TSPAN9: variants seen among roughly 807,000 people sequenced by gnomAD.
TSPAN9 encodes tetraspanin 9.
A neutral mutation model predicts 31.0 loss-of-function variants in TSPAN9; 16 were observed. The observed-to-expected ratio is 0.52, with a 90% CI of 0.35 to 0.78. TSPAN9 has a LOEUF of 0.78. Ranked by LOEUF, TSPAN9 falls within the 30% of genes least tolerant of loss-of-function variation. TSPAN9 has a pLI of 0.01. For synonymous variants in TSPAN9, 145 were observed against 121.6 expected, an observed-to-expected ratio of 1.19 and a Z score of -1.27; for missense variants, 272 against 312.5, an observed-to-expected ratio of 0.87 and a Z score of 0.98.
In TSPAN9 at chr12:3,147,127, A is replaced by G. The variant is rs908061830; in HGVS notation, c.-17-54050A>G. On this transcript the variant is annotated intron_variant, in intron 2 of 8. Transcript: ENST00000011898. This position sits in a 1 kb window ranked among gnomAD's most constrained non-coding sequence, Gnocchi z 4.3. ...TCTCCTTACTTCCTTTCTGCAGGGTATGTAGTGAGATATTTTTGAGTTTAG... is the reference window on the plus strand; with the variant it reads ...TCTCCTTACTTCCTTTCTGCAGGGTGTGTAGTGAGATATTTTTGAGTTTAG... 6.6e-6 allele frequency among the ~76,000 whole-genome samples: 1 copy of G among 151,984 alleles called. No homozygotes were observed. Among genetic ancestry groups the G allele is most frequent in the African/African-American group, 2.4e-5 (1 of 41,368 alleles).
At chr12:3,237,193 A>G (rs569513952) in intron 3 of TSPAN9, among the ~76,000 whole-genome samples, 1 of 152,098 alleles carries the variant, frequency 6.6e-6, no homozygotes, top group South Asian at 2.1e-4. Context: ...GGGTCATTGT[A>G]TTATCCTGAT....
rs1359969500 is a variant in TSPAN9 at position 3,147,644 on chromosome 12, G to C, written c.-17-53533G>C. On this transcript the variant is annotated intron_variant, in intron 2 of 8. Coordinates refer to ENST00000011898, the MANE Select transcript of TSPAN9 (RefSeq NM_006675.5). This position sits in a 1 kb window ranked among gnomAD's most constrained non-coding sequence, Gnocchi z 4.3. ...CAGTAGCCACCGGCTACATGTGGCCGTTGAGCATTGAAAATGGGACTGAAA... is the reference window on the plus strand; with the variant it reads ...CAGTAGCCACCGGCTACATGTGGCCCTTGAGCATTGAAAATGGGACTGAAA... Among the ~76,000 whole-genome samples, 1 of 152,218 alleles carries C rather than the reference G, an allele frequency of 6.6e-6. No individual in the cohort carries two copies. The highest frequency in any genetic ancestry group is 1.5e-5 in the Non-Finnish European group (1 of 68,036).
Position 3,192,228 on chromosome 12 carries a change from A to C in TSPAN9, c.-17-8949A>C, listed in dbSNP as rs1591668884. ...TAGGAAACACACAGGCACACACACA[A>C]TTGTAATCCAAGTAAGATGGGAAGC... On this transcript the variant is annotated intron_variant, in intron 2 of 8. Coordinates refer to ENST00000011898, the MANE Select transcript of TSPAN9 (RefSeq NM_006675.5). This position sits in a 1 kb window ranked among gnomAD's most constrained non-coding sequence, Gnocchi z 4.6. Among the ~76,000 whole-genome samples the C allele has an allele frequency of 6.6e-6, 1 of 152,318 alleles. No individual in the cohort carries two copies. The highest frequency in any genetic ancestry group is 6.5e-5 in the Admixed American group (1 of 15,312).
intron 2 of TSPAN9, among the ~76,000 whole-genome samples, chr12:3,166,313 C>T (rs568131112): frequency 4.6e-5 from 7 of 152,250 alleles, no homozygotes; most frequent in African/African-American, 1.7e-4. Flanking sequence ...TTTAAACAAA[C>T]GTTCCATATT....
At chr12:3,113,520 A>T (rs192762442) in intron 2 of TSPAN9, among the ~76,000 whole-genome samples, 11 of 152,326 alleles carry the variant, frequency 7.2e-5, no homozygotes, top group African/African-American at 2.4e-4. Context: ...TTGGGTAAAT[A>T]AAGTGATGTG....
At chr12:3,281,871 G>C (rs984716335) in intron 8 of TSPAN9, 54 bp downstream of exon 8, 1 of 1,583,992 alleles carries the variant, frequency 6.3e-7, no homozygotes, top group African/African-American at 1.3e-5. Flanking sequence ...CAGCCTCAGA[G>C]GGAAGGAAGC....
chr12:3,088,047 T>C (rs1037720864), intron 2 of TSPAN9, among the ~76,000 whole-genome samples: 3 of 152,178 alleles, frequency 2.0e-5, no homozygotes, highest in Non-Finnish European at 2.9e-5. Flanking sequence ...AGGGCCAGGC[T>C]CTACAGGAGG....
chr12:3,184,137 C>G (rs554656357), intron 2 of TSPAN9, among the ~76,000 whole-genome samples: 2 of 152,236 alleles, frequency 1.3e-5, no homozygotes, highest in East Asian at 3.9e-4. Flanking sequence ...CACCTGTAAT[C>G]CCAGCACTTT....
intron 3 of TSPAN9, among the ~76,000 whole-genome samples, chr12:3,246,311 G>T (rs996811559): frequency 3.9e-5 from 6 of 152,068 alleles, no homozygotes; most frequent in Admixed American, 2.6e-4. Context: ...CAGCATTGGG[G>T]GTTACAATTC....
At chr12:3,120,525 G>A (rs531490722) in intron 2 of TSPAN9, among the ~76,000 whole-genome samples, 24 of 152,310 alleles carry the variant, frequency 1.6e-4, no homozygotes, top group South Asian at 6.2e-4. Flanking sequence ...CCAAATACAC[G>A]TCATGTCCCT....
At chr12:3,105,770 ACGCACACACGCT>A (rs1565577319) in intron 2 of TSPAN9, among the ~76,000 whole-genome samples, 1 of 31,804 alleles carries the variant, frequency 3.1e-5, no homozygotes. Flanking sequence ...ACACACGCGC[ACGCACACACGCT>A]CATACACACT....
intron 2 of TSPAN9, among the ~76,000 whole-genome samples, chr12:3,196,866 G>A (rs1446631333): frequency 6.6e-6 from 1 of 152,222 alleles, no homozygotes; most frequent in Non-Finnish European, 1.5e-5. Context: ...AATCAGAAAT[G>A]AAGATGGAAA....
intron 2 of TSPAN9, among the ~76,000 whole-genome samples, chr12:3,158,721 CAAAAAAAAAA>C (rs765787475): frequency 6.0e-4 from 35 of 57,898 alleles, no homozygotes; most frequent in Admixed American, 2.4e-3. Flanking sequence ...GACTCTGTCT[CAAAAAAAAAA>C]AAAAAAAAAA....
chr12:3,238,543 A>G (rs1324849616), intron 3 of TSPAN9, among the ~76,000 whole-genome samples: 1 of 152,246 alleles, frequency 6.6e-6, no homozygotes, highest in Non-Finnish European at 1.5e-5. Flanking sequence ...TGTTACCCAG[A>G]AAACATCGCC....
intron 2 of TSPAN9, among the ~76,000 whole-genome samples, chr12:3,191,838 A>G (rs2098364570): frequency 6.6e-6 from 1 of 152,192 alleles, no homozygotes; most frequent in Non-Finnish European, 1.5e-5. Flanking sequence ...GGATTTTCCA[A>G]TGATGGTGAC....
intron 3 of TSPAN9, among the ~76,000 whole-genome samples, chr12:3,216,470 G>A (rs909825847): frequency 2.0e-5 from 3 of 152,172 alleles, no homozygotes; most frequent in African/African-American, 4.8e-5. Flanking sequence ...AGCTTCTCCA[G>A]CATCAAGCCT....
rs373474452 is a variant in TSPAN9 at position 3,084,997 on chromosome 12, A to G, written c.-18+1278A>G. Among the ~76,000 whole-genome samples the G allele has an allele frequency of 2.3e-3, 343 of 152,278 alleles. 2 individuals are homozygous for G. The highest frequency in any genetic ancestry group is 7.8e-3 in the African/African-American group (324 of 41,560). ...GATGGGTGTCTGCTTTCATTCTTGC[A>G]GCTCTGGGATTTGAGGCACCGCGTA... On this transcript the variant is annotated intron_variant, in intron 2 of 8. Transcript: ENST00000011898.
At chr12:3,116,320 G>A (rs2098322404) in intron 2 of TSPAN9, among the ~76,000 whole-genome samples, 1 of 152,296 alleles carries the variant, frequency 6.6e-6, no homozygotes, top group South Asian at 2.1e-4. Context: ...AGCAAGCTGC[G>A]AATCCTCTCT....
At chr12:3,272,231 G>A (rs73256349) in intron 3 of TSPAN9, among the ~76,000 whole-genome samples, 3,074 of 152,286 alleles carry the variant, frequency 0.02, 95 homozygotes, top group African/African-American at 0.07. Flanking sequence ...GGGCAGCAGA[G>A]GTGGGAGCAA....
Sources: gnomAD v4.1 joint callset for allele counts (sites outside exome capture counted in the v4.1 genomes callset) on GRCh38, gnomAD v4.1.1 for gene constraint, Gnocchi (gnomAD v3.1) non-coding constraint, MANE v1.5 for transcripts, NCBI Gene and HGNC (gene_info 2026-07-23, HGNC 2026-07-21) for gene names.